The following PRMT3 variants were observed in gnomAD, a reference collection of about 807,000 sequenced individuals.
PRMT3 encodes protein arginine N-methyltransferase 3.
Under a neutral mutation model 71.9 loss-of-function variants are expected in PRMT3, and 62 were observed. That is an observed-to-expected ratio of 0.86 (90% CI 0.70 to 1.07). The LOEUF is 1.07. PRMT3 is among the 50% of genes least tolerant of loss of function. The pLI, the probability that PRMT3 is intolerant of heterozygous loss-of-function variation, is 0.00. For missense variants in PRMT3, 663 were observed against 643.0 expected, an observed-to-expected ratio of 1.03 and a Z score of -0.34; for synonymous variants, 213 against 220.4, an observed-to-expected ratio of 0.97 and a Z score of 0.30.
chr11:20,411,892 T>C (rs1849201337), intron 9 of PRMT3, among the ~76,000 whole-genome samples: 2 of 152,174 alleles, frequency 1.3e-5, no homozygotes, highest in South Asian at 4.1e-4. Context: ...GGAACAGCCA[T>C]GTATTGTGAC....
At chr11:20,426,576 T>C (rs763596071) in intron 9 of PRMT3, among the ~76,000 whole-genome samples, 190 bp from the exon 10 acceptor site, 1 of 152,228 alleles carries the variant, frequency 6.6e-6, no homozygotes, top group Admixed American at 6.5e-5. Flanking sequence ...ATTGCCATAT[T>C]AACCACAAAC....
At chr11:20,419,485 T>G (rs528723890) in intron 9 of PRMT3, among the ~76,000 whole-genome samples, 1 of 152,356 alleles carries the variant, frequency 6.6e-6, no homozygotes, top group South Asian at 2.1e-4. Context: ...CTTGATGATC[T>G]GAAATTCTCA....
chr11:20,416,939 A>G (rs1175013677), intron 9 of PRMT3, among the ~76,000 whole-genome samples: 1 of 152,130 alleles, frequency 6.6e-6, no homozygotes, highest in Non-Finnish European at 1.5e-5. Context: ...GATAACTGGC[A>G]TAGGTTTTGT....
chr11:20,485,642 GC>G (rs943059113), intron 13 of PRMT3, among the ~76,000 whole-genome samples: 28 of 152,264 alleles, frequency 1.8e-4, no homozygotes, highest in African/African-American at 6.5e-4. Context: ...CCAGAAAGAA[GC>G]CTGGAGACAT....
At chr11:20,457,824 T>C (rs368542059) in intron 11 of PRMT3, among the ~76,000 whole-genome samples, 1 of 152,222 alleles carries the variant, frequency 6.6e-6, no homozygotes, top group East Asian at 1.9e-4. Flanking sequence ...TACTTCCTCA[T>C]CTTCAGATCT....
chr11:20,492,491 T>C (rs1430697165), intron 13 of PRMT3, among the ~76,000 whole-genome samples: 1 of 152,216 alleles, frequency 6.6e-6, no homozygotes, highest in Non-Finnish European at 1.5e-5. Context: ...GGTTAAATAT[T>C]GAGTTTGGTT....
chr11:20,438,936 C>T (rs1196963900), intron 10 of PRMT3, among the ~76,000 whole-genome samples: 1 of 152,114 alleles, frequency 6.6e-6, no homozygotes, highest in Non-Finnish European at 1.5e-5. Context: ...TGGAGTGCCT[C>T]CACCTCTGCT....
intron 10 of PRMT3, among the ~76,000 whole-genome samples, chr11:20,437,520 C>G (rs1178623054): frequency 6.6e-6 from 1 of 151,972 alleles, no homozygotes; most frequent in Non-Finnish European, 1.5e-5. Flanking sequence ...TGTTCAACAT[C>G]AGCAATAATA....
chr11:20,483,255 G>A (rs1395335434), intron 13 of PRMT3, among the ~76,000 whole-genome samples: 1 of 152,020 alleles, frequency 6.6e-6, no homozygotes, highest in Non-Finnish European at 1.5e-5. Context: ...ATGCTGCGTT[G>A]ATTTGTAAAT....
intron 10 of PRMT3, among the ~76,000 whole-genome samples, chr11:20,434,037 C>T (rs1363162833): frequency 1.3e-5 from 2 of 152,008 alleles, no homozygotes; most frequent in African/African-American, 2.4e-5. Context: ...TTGCCAGCAC[C>T]GTTATTTTTT....
chr11:20,503,976 C>T (rs1851519171), intron 15 of PRMT3, among the ~76,000 whole-genome samples: 2 of 152,158 alleles, frequency 1.3e-5, no homozygotes, highest in South Asian at 4.1e-4. Flanking sequence ...TGTTCCACAT[C>T]ATTTTTAACA....
At position 20,423,445 on chromosome 11, in the gene PRMT3, C is replaced by G. The variant is rs1292868047; in HGVS notation, c.894-3321C>G. On this transcript the variant is annotated intron_variant, in intron 9 of 15. Coordinates refer to ENST00000331079, the MANE Select transcript of PRMT3 (RefSeq NM_005788.4). ...AAGTAAAGCTGGAACACGGCTGGGC[C>G]TTTTTGTTTACATATTGTCTATTGC... Among the ~76,000 whole-genome samples the G allele has an allele frequency of 2.0e-5, 3 of 152,228 alleles. No homozygotes were observed. The East Asian group carries it at 5.8e-4, about 29-fold the overall frequency.
chr11:20,507,609 G>A (rs549426301), intron 15 of PRMT3, among the ~76,000 whole-genome samples: 25 of 149,980 alleles, frequency 1.7e-4, no homozygotes, highest in African/African-American at 6.1e-4. Flanking sequence ...GCAAAACCTT[G>A]TCTCTACTAA....
intron 13 of PRMT3, 125 bp downstream of exon 13, chr11:20,464,671 C>T: frequency 2.8e-6 from 4 of 1,427,224 alleles, no homozygotes; most frequent in Non-Finnish European, 3.7e-6. Flanking sequence ...TCTACCATTG[C>T]CTTTGCTAGG....
At chr11:20,420,055 C>T (rs886228491) in intron 9 of PRMT3, among the ~76,000 whole-genome samples, 2 of 152,110 alleles carry the variant, frequency 1.3e-5, no homozygotes, top group Non-Finnish European at 2.9e-5. Flanking sequence ...GCCTGTAATC[C>T]CAGCTACTTG....
At chr11:20,441,234 A>G (rs377205337) in intron 10 of PRMT3, among the ~76,000 whole-genome samples, 2 of 151,434 alleles carry the variant, frequency 1.3e-5, no homozygotes, top group South Asian at 2.1e-4. Flanking sequence ...ATCATCATCT[A>G]TGTTCCTACA....
chr11:20,433,872 G>A (rs988526064), intron 10 of PRMT3, among the ~76,000 whole-genome samples: 3 of 151,996 alleles, frequency 2.0e-5, no homozygotes, highest in Non-Finnish European at 1.5e-5. Context: ...TGCCCACCTC[G>A]GCTTCCCAAA....
At chr11:20,503,830 C>T in intron 15 of PRMT3, among the ~76,000 whole-genome samples, 1 of 152,062 alleles carries the variant, frequency 6.6e-6, no homozygotes. Context: ...TTTCATTTCT[C>T]TTGGGTAAGT....
At position 20,509,215 on chromosome 11, in the gene PRMT3, A is replaced by G. The variant is rs937969793; in HGVS notation, c.*802A>G. On this transcript the variant is annotated 3_prime_UTR_variant, in exon 16 of 16. Transcript: ENST00000331079. Reference sequence around the variant, plus strand: ...TTACTAAGCAGTCTATAAAGTTGTCATTTACAATTACTGATTCAATTTGAA... The same window carrying G: ...TTACTAAGCAGTCTATAAAGTTGTCGTTTACAATTACTGATTCAATTTGAA... 1.3e-5 allele frequency: 2 copies of G among 152,208 alleles called. No individual in the cohort carries two copies. Among genetic ancestry groups the G allele is most frequent in the Non-Finnish European group, 2.9e-5 (2 of 68,032 alleles). The allele number at this position is 152,208 out of a possible 1,614,324, so 9.4% of individuals were successfully genotyped here.
Sources: gnomAD v4.1 joint callset for allele counts (sites outside exome capture counted in the v4.1 genomes callset) on GRCh38, gnomAD v4.1.1 for gene constraint, MANE v1.5 for transcripts, NCBI Gene and HGNC (gene_info 2026-07-23, HGNC 2026-07-21) for gene names.